DOCK3: variants seen among roughly 807,000 people sequenced by gnomAD.
DOCK3 encodes dedicator of cytokinesis 3.
A neutral mutation model predicts 265.6 loss-of-function variants in DOCK3; 60 were observed. The observed-to-expected ratio is 0.23, with a 90% CI of 0.18 to 0.28. The LOEUF (loss-of-function observed/expected upper bound fraction) is 0.28. Among genes scored for constraint, DOCK3 ranks in the 10% least tolerant of loss-of-function variants. The pLI, the probability that DOCK3 is intolerant of heterozygous loss-of-function variation, is 1.00. For missense variants in DOCK3, 1,981 were observed against 2,594.3 expected (o/e 0.76, Z 5.14); for synonymous variants, 881 against 938.0 (o/e 0.94, Z 1.11).
At chr3:51,311,949 T>C in intron 28 of DOCK3, 55 bp from the exon 29 acceptor site, 1 of 1,387,536 alleles carries the variant, frequency 7.2e-7, no homozygotes, top group Non-Finnish European at 1.0e-6. Flanking sequence ...TACCAAGCCA[T>C]CAGATGCCAT....
At chr3:50,871,314 T>G (rs2047420396) in intron 3 of DOCK3, among the ~76,000 whole-genome samples, 1 of 151,724 alleles carries the variant, frequency 6.6e-6, no homozygotes, top group African/African-American at 2.4e-5. Flanking sequence ...TTTTTTTTTC[T>G]TCAGCACTTT....
chr3:51,284,244 A>G (rs995310465), intron 27 of DOCK3, among the ~76,000 whole-genome samples: 1 of 152,192 alleles, frequency 6.6e-6, no homozygotes. Context: ...TCTAGACCTC[A>G]GGAAAAAAAA....
At chr3:51,058,812 A>AT (rs574617564) in intron 5 of DOCK3, among the ~76,000 whole-genome samples, 23,136 of 151,624 alleles carry the variant, frequency 0.15, 3,544 homozygotes, top group African/African-American at 0.35. Context: ...CTTTGGGCCT[A>AT]TTTTTTTTAA....
At chr3:51,254,781 T>C (rs1432356144) in intron 22 of DOCK3, among the ~76,000 whole-genome samples, 1 of 152,214 alleles carries the variant, frequency 6.6e-6, no homozygotes, top group Non-Finnish European at 1.5e-5. Context: ...GAGATGGTTC[T>C]CCTTAATACA....
intron 3 of DOCK3, 146 bp from the exon 4 acceptor site, chr3:50,889,880 A>G (rs925360691): frequency 3.9e-6 from 2 of 518,168 alleles, no homozygotes; most frequent in African/African-American, 4.0e-5. Flanking sequence ...TACTTTGTAC[A>G]GCTCTGCATA....
At chr3:50,861,270 G>GA (rs2046897550) in intron 3 of DOCK3, among the ~76,000 whole-genome samples, 1 of 151,934 alleles carries the variant, frequency 6.6e-6, no homozygotes, top group Non-Finnish European at 1.5e-5. Context: ...TCAGTTGAAG[G>GA]TGTTGTATTT....
intron 5 of DOCK3, among the ~76,000 whole-genome samples, chr3:51,014,156 C>T (rs1038825523): frequency 2.0e-5 from 3 of 152,146 alleles, no homozygotes; most frequent in African/African-American, 7.2e-5. Flanking sequence ...TTCAGCTCGC[C>T]CTCCGTCAGC....
rs1239519590 is a variant in DOCK3, at chr3:50,916,173, T to C, written c.219-17808T>C. On this transcript the variant is annotated intron_variant, in intron 4 of 52. Coordinates refer to ENST00000266037, the MANE Select transcript of DOCK3 (RefSeq NM_004947.5). ...TCCAGGCAGCTCCCTCAGCTGGGTT[T>C]AAGTTCCTATGAGGACTGCATTGGC... Among the ~76,000 whole-genome samples, 3 of 152,048 alleles carry C rather than the reference T, an allele frequency of 2.0e-5. 1 individual carries two copies. Among genetic ancestry groups the C allele is most frequent in the African/African-American group, 7.3e-5 (3 of 41,344 alleles).
In DOCK3 at chr3:51,275,228, C is replaced by A. The variant is rs1451079962; in HGVS notation, c.2676+22C>A. The A allele has an allele frequency of 3.1e-6, 5 of 1,613,316 alleles. No individual in the cohort carries two copies. In the African/African-American group the frequency reaches 5.3e-5, roughly 17 times the overall value. Reference sequence around the variant, plus strand: ...TCTGGTAGTGGCCCCACACCCACTCCACCCTGTTCAGCTCTTCCCTAGTCT... The same window carrying A: ...TCTGGTAGTGGCCCCACACCCACTCAACCCTGTTCAGCTCTTCCCTAGTCT... On this transcript the variant is annotated intron_variant, in intron 25 of 52. Coordinates refer to ENST00000266037, the MANE Select transcript of DOCK3 (RefSeq NM_004947.5).
At chr3:50,960,940 C>T (rs1487559381) in intron 5 of DOCK3, among the ~76,000 whole-genome samples, 1 of 152,088 alleles carries the variant, frequency 6.6e-6, no homozygotes, top group Non-Finnish European at 1.5e-5. Context: ...ACTATTCTTT[C>T]CCCGCATTGA....
intron 24 of DOCK3, among the ~76,000 whole-genome samples, chr3:51,272,489 A>G (rs2080560884): frequency 1.4e-5 from 2 of 141,696 alleles, no homozygotes; most frequent in Non-Finnish European, 3.0e-5. Context: ...GGGTTTCACC[A>G]TATTGGCCAG....
chr3:51,239,870 AGTCTATTAAT>A (rs1317700226), intron 21 of DOCK3, among the ~76,000 whole-genome samples: 1 of 151,836 alleles, frequency 6.6e-6, no homozygotes, highest in Non-Finnish European at 1.5e-5. Context: ...TCTAGCTAGC[AGTCTATTAAT>A]TGTTTTCAAA....
intron 5 of DOCK3, among the ~76,000 whole-genome samples, chr3:51,056,573 G>C (rs1479257294): frequency 2.0e-5 from 3 of 152,130 alleles, no homozygotes. Context: ...TGACATAAAG[G>C]TCATTAGGGT....
intron 9 of DOCK3, among the ~76,000 whole-genome samples, chr3:51,137,481 G>A (rs923046853): frequency 1.3e-5 from 2 of 152,138 alleles, no homozygotes; most frequent in South Asian, 2.1e-4. Flanking sequence ...TAAGAAACTC[G>A]TCTCTGCCTT....
At chr3:51,151,809 T>C (rs916884319) in intron 10 of DOCK3, among the ~76,000 whole-genome samples, 1 of 152,220 alleles carries the variant, frequency 6.6e-6, no homozygotes, top group Non-Finnish European at 1.5e-5. Flanking sequence ...TCTTTAAGAA[T>C]GTTCAGTAGT....
At chr3:51,051,558 A>G (rs1192672878) in intron 5 of DOCK3, among the ~76,000 whole-genome samples, 1 of 152,150 alleles carries the variant, frequency 6.6e-6, no homozygotes, top group Non-Finnish European at 1.5e-5. Context: ...GGGTGAGCAA[A>G]TTGAGGCACA....
chr3:51,381,772 A>AT lies in DOCK3; in HGVS notation c.*220dup. ...ATGAAGGGTTGTGGCTTCCCTTTTT[A>AT]TTTTTTTACATTTCCATTTCTATGG... is the stretch of plus-strand genomic sequence containing the variant. On this transcript the variant is annotated 3_prime_UTR_variant, in exon 53 of 53. Coordinates refer to ENST00000266037, the MANE Select transcript of DOCK3 (RefSeq NM_004947.5). This position sits in a 1 kb window ranked among gnomAD's most constrained non-coding sequence, Gnocchi z 5.6. 1.2e-5 allele frequency: 6 copies of AT among 501,756 alleles called. No individual in the cohort carries two copies. The highest frequency in any genetic ancestry group is 3.8e-5 in the Admixed American group (1 of 26,210). 31.1% of individuals were successfully genotyped at this position (501,756 alleles called of 1,614,324 possible). A position where few individuals can be genotyped will look rare whatever the true frequency, so the allele number is the denominator to read the frequency against.
Position 51,099,593 on chromosome 3 carries a change from TC to T in DOCK3, c.746+9210del, listed in dbSNP as rs569977483. Reference sequence around the variant, plus strand: ...GAGGAATGTGGAGAATTAAGTGAGATCAGAGGTAGAAGTTACAGTGTTTGGT... The same window carrying T: ...GAGGAATGTGGAGAATTAAGTGAGATAGAGGTAGAAGTTACAGTGTTTGGT... On this transcript the variant is annotated intron_variant, in intron 9 of 52. Transcript: ENST00000266037. 9.8e-5 allele frequency among the ~76,000 whole-genome samples: 15 copies of T among 152,328 alleles called. No individual in the cohort carries two copies. In the South Asian group the frequency reaches 2.9e-3, roughly 29 times the overall value.
chr3:51,205,446 G>A (rs769605894), intron 12 of DOCK3, among the ~76,000 whole-genome samples: 2 of 151,676 alleles, frequency 1.3e-5, no homozygotes, highest in African/African-American at 2.4e-5. Context: ...TGTGATCTTA[G>A]CACTTTGAGG....
Sources: allele counts gnomAD v4.1 joint callset (sites outside exome capture counted in the v4.1 genomes callset), GRCh38; gene constraint gnomAD v4.1.1; non-coding constraint Gnocchi (gnomAD v3.1); transcripts MANE v1.5; gene names NCBI Gene and HGNC (gene_info 2026-07-23, HGNC 2026-07-21).